The following PKIG variants were observed in gnomAD, a reference collection of about 807,000 sequenced individuals.
The protein encoded by PKIG is cAMP-dependent protein kinase inhibitor gamma, also known as protein kinase (cAMP-dependent, catalytic) inhibitor gamma.
A neutral mutation model predicts 6.8 loss-of-function variants in PKIG; 1 was observed. The observed-to-expected ratio is 0.15, with a 90% CI of 0.05 to 0.69. The LOEUF is 0.69. Ranked by LOEUF, PKIG falls within the 30% of genes least tolerant of loss-of-function variation. The pLI is 0.82. For missense variants in PKIG, 77 were observed against 104.0 expected (o/e 0.74, Z 1.13); for synonymous variants, 39 against 43.0 (o/e 0.91, Z 0.36).
chr20:44,586,345 GGCATTT>G (rs1435112855), intron 1 of PKIG, among the ~76,000 whole-genome samples: 2 of 152,196 alleles, frequency 1.3e-5, no homozygotes, highest in Admixed American at 6.5e-5. Flanking sequence ...GACATAGGAT[GGCATTT>G]GCATGAGGAA....
At chr20:44,561,444 C>T (rs1366438392) in intron 1 of PKIG, among the ~76,000 whole-genome samples, 1 of 152,000 alleles carries the variant, frequency 6.6e-6, no homozygotes. Context: ...AACAAGAATG[C>T]AGTGGATGTA....
At chr20:44,540,344 T>A (rs1600835447) in intron 1 of PKIG, among the ~76,000 whole-genome samples, 1 of 152,202 alleles carries the variant, frequency 6.6e-6, no homozygotes, top group East Asian at 1.9e-4. Flanking sequence ...GCATGCTACT[T>A]ATAAAATAAT....
intron 2 of PKIG, among the ~76,000 whole-genome samples, chr20:44,597,254 A>C (rs2065082930): frequency 2.1e-5 from 2 of 95,024 alleles, no homozygotes; most frequent in African/African-American, 4.2e-5. Context: ...ATAATCCCCC[A>C]CCAGATCCCC....
chr20:44,560,640 G>A (rs1239088401), intron 1 of PKIG, among the ~76,000 whole-genome samples: 1 of 152,182 alleles, frequency 6.6e-6, no homozygotes, highest in Admixed American at 6.5e-5. Flanking sequence ...CACTTTTTTA[G>A]TTTGAATGGA....
At chr20:44,561,932 T>G (rs1391932311) in intron 1 of PKIG, among the ~76,000 whole-genome samples, 1 of 152,188 alleles carries the variant, frequency 6.6e-6, no homozygotes, top group Non-Finnish European at 1.5e-5. Flanking sequence ...TGAGCAAGCA[T>G]CCATCTTGTA....
At chr20:44,603,503 C>T (rs895623254) in intron 2 of PKIG, among the ~76,000 whole-genome samples, 3 of 152,058 alleles carry the variant, frequency 2.0e-5, no homozygotes, top group Admixed American at 6.6e-5. Flanking sequence ...TCTACCCTGC[C>T]ACCCATTCCC....
At position 44,614,451 on chromosome 20, in the gene PKIG, C is replaced by T; in HGVS notation, c.-23-83C>T. The stretch of plus-strand genomic sequence containing the variant: ...GCAATAACTGTCATTTTGACAGAAG[C>T]CACTGTGCTGGGGAACTGGAGCTGT... On this transcript the variant is annotated intron_variant, in intron 2 of 3. Transcript: ENST00000372886. This position sits in a 1 kb window ranked among gnomAD's most constrained non-coding sequence, Gnocchi z 4.6. 1.0e-6 allele frequency: 1 copy of T among 953,896 alleles called. No homozygotes were observed. The highest frequency in any genetic ancestry group is 2.3e-5 in the Admixed American group (1 of 43,936). 59.1% of individuals were successfully genotyped at this position (953,896 alleles called of 1,614,324 possible).
chr20:44,554,204 A>G (rs1285198644), intron 1 of PKIG, among the ~76,000 whole-genome samples: 2 of 151,718 alleles, frequency 1.3e-5, no homozygotes, highest in African/African-American at 2.4e-5. Context: ...CAGCCTTCCC[A>G]GTACCTGGGA....
At chr20:44,554,234 T>C (rs244126) in intron 1 of PKIG, among the ~76,000 whole-genome samples, 142,633 of 152,104 alleles carry the variant, frequency 0.94, 66,987 homozygotes, top group East Asian at 1. Context: ...CACACCACCA[T>C]GCCTGGCTAA....
intron 2 of PKIG, among the ~76,000 whole-genome samples, chr20:44,610,129 A>G (rs989159564): frequency 2.6e-5 from 4 of 152,212 alleles, no homozygotes; most frequent in Non-Finnish European, 5.9e-5. Flanking sequence ...TGACTAGGGC[A>G]GCGCGCAAGG....
chr20:44,545,648 G>A (rs1014217250), intron 1 of PKIG, among the ~76,000 whole-genome samples: 4 of 151,606 alleles, frequency 2.6e-5, no homozygotes, highest in South Asian at 4.2e-4. Flanking sequence ...GTGAGACCCC[G>A]TCTCTACAAA....
At chr20:44,610,506 A>T (rs568481585) in intron 2 of PKIG, among the ~76,000 whole-genome samples, 1,564 of 150,242 alleles carry the variant, frequency 0.01, 28 homozygotes, top group African/African-American at 0.036. Flanking sequence ...TCTCTCACAC[A>T]CACACACACA....
At chr20:44,616,472 C>T (rs1209146524) in intron 3 of PKIG, among the ~76,000 whole-genome samples, 2 of 152,238 alleles carry the variant, frequency 1.3e-5, no homozygotes, top group Non-Finnish European at 2.9e-5. Flanking sequence ...CTTCTGTGTC[C>T]TCACCCTCAG....
chr20:44,600,329 C>T (rs1470643494), intron 2 of PKIG, among the ~76,000 whole-genome samples: 2 of 152,162 alleles, frequency 1.3e-5, no homozygotes, highest in Non-Finnish European at 2.9e-5. Flanking sequence ...AATAGAAAAG[C>T]ATCAGAAGTT....
At chr20:44,570,775 A>G (rs1314656198) in intron 1 of PKIG, among the ~76,000 whole-genome samples, 2 of 152,234 alleles carry the variant, frequency 1.3e-5, no homozygotes, top group African/African-American at 4.8e-5. Context: ...GTGGTGCTGT[A>G]TGGACGCTTA....
chr20:44,602,678 CA>C (rs200159783), intron 2 of PKIG, among the ~76,000 whole-genome samples: 612 of 136,000 alleles, frequency 4.5e-3, no homozygotes, highest in African/African-American at 8.3e-3. Flanking sequence ...ATTAAAAATA[CA>C]AAAAAAAAAA....
intron 2 of PKIG, among the ~76,000 whole-genome samples, chr20:44,596,159 A>G (rs1452252229): frequency 6.6e-6 from 1 of 152,202 alleles, no homozygotes; most frequent in Non-Finnish European, 1.5e-5. Flanking sequence ...ATCAGTTGGA[A>G]TGGCAGATAA....
chr20:44,618,760 C>T lies in PKIG; in HGVS notation c.*396C>T, dbSNP rs1237034696. The T allele has an allele frequency of 1.7e-5, 3 of 171,832 alleles. No homozygotes were observed. The highest frequency in any genetic ancestry group is 3.2e-4 in the East Asian group (2 of 6,314). 10.6% of individuals were successfully genotyped at this position (171,832 alleles called of 1,614,324 possible). ...TCCTCTCCAGCCCAATCTTCTGGGT[C>T]CAGACCTGCTTGTCCCTTTTTTAGA... On this transcript the variant is annotated 3_prime_UTR_variant, in exon 4 of 4. Coordinates refer to ENST00000372886, the MANE Select transcript of PKIG (RefSeq NM_001281445.2).
intron 1 of PKIG, among the ~76,000 whole-genome samples, chr20:44,576,330 A>G (rs1194270121): frequency 6.6e-6 from 1 of 152,152 alleles, no homozygotes; most frequent in Admixed American, 6.6e-5. Flanking sequence ...GGGGAAACAC[A>G]TGGAACGTGT....
Sources: allele counts gnomAD v4.1 joint callset (sites outside exome capture counted in the v4.1 genomes callset), GRCh38; gene constraint gnomAD v4.1.1; non-coding constraint Gnocchi (gnomAD v3.1); transcripts MANE v1.5; gene names NCBI Gene and HGNC (gene_info 2026-07-23, HGNC 2026-07-21).